Variants in SDK1 observed in about 807,000 individuals in gnomAD.
The protein encoded by SDK1 is protein sidekick-1.
In SDK1, 157 loss-of-function variants were observed where a neutral mutation model predicts 245.5. The ratio of observed to expected loss-of-function variants is 0.64; its 90% CI spans 0.56 to 0.73. The LOEUF is 0.73. Ranked by LOEUF, SDK1 falls within the 30% of genes least tolerant of loss-of-function variation. The pLI is 0.00. For synonymous variants in SDK1, 1,647 were observed against 1,278.5 expected (o/e 1.29, Z -6.15); for missense variants, 3,583 against 3,002.3 (o/e 1.19, Z -4.52).
In SDK1 at chr7:4,221,251, C is replaced by T. The variant is rs767603165; in HGVS notation, c.5714C>T (p.Ser1905Leu). 14 of 1,613,602 alleles carry T rather than the reference C, an allele frequency of 8.7e-6. No homozygotes were observed. In the South Asian group the frequency reaches 8.8e-5, roughly 10 times the overall value. The change falls in exon 40 of 45, where the codon TCG (serine) becomes TTG (leucine). Residue 1905 changes from serine (S) to leucine (L), a missense_variant. Transcript: ENST00000404826. ...CTTTATCCCGCAGGATCCCCGGGCT[C>T]GCCTAGAGATGTCCTGGTCACCAAG... is the stretch of plus-strand genomic sequence containing the variant. ...TAGPAEGSPG[S>L]PRDVLVTKSA...
chr7:3,912,376 C>G (rs537831699), intron 5 of SDK1, among the ~76,000 whole-genome samples: 107 of 152,322 alleles, frequency 7.0e-4, no homozygotes, highest in African/African-American at 2.4e-3. Flanking sequence ...TTCACGGTAA[C>G]TGGTGCACAG....
intron 4 of SDK1, among the ~76,000 whole-genome samples, chr7:3,717,939 G>A (rs1355883280): frequency 6.7e-6 from 1 of 150,324 alleles, no homozygotes; most frequent in East Asian, 1.9e-4. Context: ...CTGATACCTG[G>A]AACAGCCAAA....
chr7:3,304,648 C>T, intron 1 of SDK1, among the ~76,000 whole-genome samples: 1 of 152,156 alleles, frequency 6.6e-6, no homozygotes, highest in East Asian at 1.9e-4. Flanking sequence ...TTTGATGAAG[C>T]TGTAGAGTAC....
intron 35 of SDK1, among the ~76,000 whole-genome samples, chr7:4,196,627 C>A (rs116198353): frequency 1.3e-5 from 2 of 152,012 alleles, no homozygotes; most frequent in South Asian, 4.2e-4. Context: ...AGGCACTGCC[C>A]GGGGAGCCCT....
chr7:3,989,464 C>T (rs987606644), intron 14 of SDK1, among the ~76,000 whole-genome samples: 4 of 152,152 alleles, frequency 2.6e-5, no homozygotes, highest in African/African-American at 9.7e-5. Context: ...ATCATTTATT[C>T]CAGATGAGGG....
At chr7:3,811,554 G>A (rs542635856) in intron 4 of SDK1, among the ~76,000 whole-genome samples, 2 of 152,150 alleles carry the variant, frequency 1.3e-5, no homozygotes, top group Non-Finnish European at 2.9e-5. Flanking sequence ...TTCAGAGACC[G>A]ACAATATGCA....
chr7:3,891,319 T>C (rs1195262559), intron 5 of SDK1, among the ~76,000 whole-genome samples: 1 of 152,134 alleles, frequency 6.6e-6, no homozygotes, highest in Non-Finnish European at 1.5e-5. Flanking sequence ...GAATCTGCCC[T>C]CTGCCAGGTG....
chr7:3,798,991 C>G (rs1779037343), intron 4 of SDK1, among the ~76,000 whole-genome samples: 1 of 152,138 alleles, frequency 6.6e-6, no homozygotes, highest in African/African-American at 2.4e-5. Flanking sequence ...CCTCATTCTT[C>G]TACATTTATT....
chr7:3,397,994 C>T (rs1778770545), intron 1 of SDK1, among the ~76,000 whole-genome samples: 2 of 152,062 alleles, frequency 1.3e-5, no homozygotes, highest in African/African-American at 4.8e-5. Flanking sequence ...TTGTGGAAAG[C>T]CAGGCATGAT....
intron 18 of SDK1, among the ~76,000 whole-genome samples, chr7:4,050,083 T>C (rs1023952709): frequency 6.6e-6 from 1 of 152,192 alleles, no homozygotes; most frequent in Non-Finnish European, 1.5e-5. Context: ...TTCTCCTGAT[T>C]GGATTTGGGA....
chr7:3,582,535 TGGAGGGTGGGA>T lies in SDK1; in HGVS notation c.299-36538_299-36528del, dbSNP rs1780537497. On this transcript the variant is annotated intron_variant, in intron 1 of 44. Coordinates refer to ENST00000404826, the MANE Select transcript of SDK1 (RefSeq NM_152744.4). ...AGGCCCCAGTGTCTGCTGTGGAGGG[TGGAGGGTGGGA>T]GGAGGGAAATGATAAGAAAATTAAC... Among the ~76,000 whole-genome samples the T allele has an allele frequency of 5.3e-5, 8 of 151,654 alleles. No individual in the cohort carries two copies. In the South Asian group the frequency reaches 1.5e-3, roughly 28 times the overall value.
intron 24 of SDK1, 151 bp downstream of exon 24, chr7:4,113,590 A>G (rs925874279): frequency 2.2e-6 from 2 of 889,358 alleles, no homozygotes; most frequent in African/African-American, 3.4e-5. Flanking sequence ...GCATTTTACA[A>G]TTAGTGTTGG....
intron 1 of SDK1, among the ~76,000 whole-genome samples, chr7:3,346,831 T>A (rs28538235): frequency 3.3e-3 from 338 of 102,564 alleles, no homozygotes; most frequent in African/African-American, 0.013. Context: ...ATATATATTT[T>A]TTTTTTTTTT....
chr7:4,182,534 C>A lies in SDK1; in HGVS notation c.5098+3948C>A, dbSNP rs117627472. ...GACGTGTCCTGGAGACAGGGCCTCCCAGATATGCTGAGATGAAGGCAGGTG... is the reference window on the plus strand; with the variant it reads ...GACGTGTCCTGGAGACAGGGCCTCCAAGATATGCTGAGATGAAGGCAGGTG... On this transcript the variant is annotated intron_variant, in intron 35 of 44. Coordinates refer to ENST00000404826, the MANE Select transcript of SDK1 (RefSeq NM_152744.4). 9.7e-3 allele frequency among the ~76,000 whole-genome samples: 1,475 copies of A among 152,324 alleles called. 16 individuals are homozygous for A. Among genetic ancestry groups the A allele is most frequent in the Non-Finnish European group, 0.015 (998 of 68,024 alleles).
chr7:3,759,621 C>T (rs535860890), intron 4 of SDK1, among the ~76,000 whole-genome samples: 77 of 146,256 alleles, frequency 5.3e-4, no homozygotes, highest in African/African-American at 1.6e-3. Flanking sequence ...TATTTGGAGG[C>T]GGAATTTTGC....
chr7:3,421,993 A>G (rs1300721777), intron 1 of SDK1, among the ~76,000 whole-genome samples: 4 of 152,326 alleles, frequency 2.6e-5, no homozygotes, highest in Non-Finnish European at 4.4e-5. Flanking sequence ...TGTAAAGCAT[A>G]GTTGATGAGA....
chr7:4,123,741 G>T (rs1373612490), intron 25 of SDK1, among the ~76,000 whole-genome samples: 2 of 152,224 alleles, frequency 1.3e-5, no homozygotes, highest in African/African-American at 4.8e-5. Context: ...ATAGAAGGGG[G>T]CTCACAGTGT....
Position 4,194,430 on chromosome 7 carries a change from G to A in SDK1, c.5099-11449G>A, listed in dbSNP as rs531491925. 2.3e-4 allele frequency among the ~76,000 whole-genome samples: 23 copies of A among 102,212 alleles called. 1 individual carries two copies. The highest frequency in any genetic ancestry group is 3.4e-4 in the African/African-American group (8 of 23,282). The allele number at this position is 102,212 out of a possible 152,430, so 67.1% of individuals were successfully genotyped here. ...TGCACATATGTGTATACATGTATAC[G>A]TATATACATATATGTATACATGTAT... On this transcript the variant is annotated intron_variant, in intron 35 of 44. Coordinates refer to ENST00000404826, the MANE Select transcript of SDK1 (RefSeq NM_152744.4).
chr7:3,501,999 G>C (rs982586112), intron 1 of SDK1, among the ~76,000 whole-genome samples: 23 of 152,076 alleles, frequency 1.5e-4, no homozygotes, highest in Non-Finnish European at 3.2e-4. Context: ...TGGATTTCTA[G>C]TGATAGGCAA....
Sources: gnomAD v4.1 joint callset for allele counts (sites outside exome capture counted in the v4.1 genomes callset) on GRCh38, gnomAD v4.1.1 for gene constraint, MANE v1.5 for transcripts, NCBI Gene and HGNC (gene_info 2026-07-23, HGNC 2026-07-21) for gene names.